Variants in NEURL1 observed in about 807,000 individuals in gnomAD.
The protein encoded by NEURL1 is E3 ubiquitin-protein ligase NEURL1.
NEURL1 carries 26 observed loss-of-function variants against 41.2 expected under a neutral mutation model. The observed-to-expected ratio is 0.63, with a 90% CI of 0.46 to 0.87. NEURL1 has a LOEUF of 0.87. Ranked by LOEUF, NEURL1 falls within the 40% of genes least tolerant of loss-of-function variation. NEURL1 has a pLI of 0.00. For missense variants in NEURL1, 761 were observed against 871.1 expected (o/e 0.87, Z 1.59); for synonymous variants, 400 against 402.3 (o/e 0.99, Z 0.07).
intron 1 of NEURL1, among the ~76,000 whole-genome samples, chr10:103,531,406 T>A (rs1357609391): frequency 1.3e-5 from 2 of 152,164 alleles, no homozygotes; most frequent in Admixed American, 6.5e-5. Flanking sequence ...GAAACATTTT[T>A]ATTTTTTTTA....
At chr10:103,563,587 G>A (rs994798476) in intron 1 of NEURL1, among the ~76,000 whole-genome samples, 1 of 152,184 alleles carries the variant, frequency 6.6e-6, no homozygotes, top group Non-Finnish European at 1.5e-5. Context: ...AAGATGGGTG[G>A]GGTTTGGAGA....
chr10:103,542,177 T>A (rs570591715), intron 1 of NEURL1, among the ~76,000 whole-genome samples: 1 of 152,352 alleles, frequency 6.6e-6, no homozygotes, highest in East Asian at 1.9e-4. Context: ...TGGCTGTATG[T>A]GAGAATTGCT....
chr10:103,563,085 C>T (rs1229894544), intron 1 of NEURL1, among the ~76,000 whole-genome samples: 1 of 152,156 alleles, frequency 6.6e-6, no homozygotes, highest in Non-Finnish European at 1.5e-5. Context: ...TCAGGACCAC[C>T]CTGGCAATCT....
chr10:103,503,947 G>T (rs2033886420), intron 1 of NEURL1, among the ~76,000 whole-genome samples: 2 of 148,598 alleles, frequency 1.3e-5, no homozygotes, highest in South Asian at 4.3e-4. Context: ...GCACCATCAT[G>T]CCTGGCTAGT....
intron 1 of NEURL1, among the ~76,000 whole-genome samples, chr10:103,521,300 GAAGGGAAGA>G (rs2034343354): frequency 6.6e-6 from 1 of 152,210 alleles, no homozygotes. Flanking sequence ...ATGTCTGACA[GAAGGGAAGA>G]AATGACCGCA....
At chr10:103,538,630 T>C (rs1439890687) in intron 1 of NEURL1, among the ~76,000 whole-genome samples, 1 of 151,582 alleles carries the variant, frequency 6.6e-6, no homozygotes, top group Non-Finnish European at 1.5e-5. Context: ...ATTTTTTCTT[T>C]TTTGTTTATT....
chr10:103,507,653 G>A (rs986773788), intron 1 of NEURL1, among the ~76,000 whole-genome samples: 6 of 152,158 alleles, frequency 3.9e-5, no homozygotes, highest in African/African-American at 1.4e-4. Context: ...TGGGTGTGAG[G>A]TTTTACAGCC....
intron 1 of NEURL1, among the ~76,000 whole-genome samples, chr10:103,499,865 C>T (rs1205660707): frequency 2.6e-5 from 4 of 152,270 alleles, no homozygotes; most frequent in East Asian, 3.9e-4. Context: ...CCTCCGGTCC[C>T]TCCTTCGATG....
rs751068145 is a variant in NEURL1, at chr10:103,556,363, T to C, written c.86-14509T>C. Reference sequence around the variant, plus strand: ...CCTTTACAAACCAGCCAGAACAGAATAGGCTGACCTTGGGGAGTCCCTGAC... The same window carrying C: ...CCTTTACAAACCAGCCAGAACAGAACAGGCTGACCTTGGGGAGTCCCTGAC... On this transcript the variant is annotated intron_variant, in intron 1 of 5. Coordinates refer to ENST00000369780, the MANE Select transcript of NEURL1 (RefSeq NM_004210.5). This position sits in a 1 kb window ranked among gnomAD's most constrained non-coding sequence, Gnocchi z 4.4. Among the ~76,000 whole-genome samples, 1 of 152,122 alleles carries C rather than the reference T, an allele frequency of 6.6e-6. No homozygotes were observed. Among genetic ancestry groups the C allele is most frequent in the Non-Finnish European group, 1.5e-5 (1 of 68,026 alleles).
intron 1 of NEURL1, among the ~76,000 whole-genome samples, chr10:103,529,703 G>T (rs1592199394): frequency 6.6e-6 from 1 of 152,178 alleles, no homozygotes; most frequent in African/African-American, 2.4e-5. Flanking sequence ...AAAGAAATAT[G>T]CTCCAAGTTT....
intron 1 of NEURL1, among the ~76,000 whole-genome samples, chr10:103,538,181 A>C (rs913078056): frequency 2.6e-5 from 4 of 151,286 alleles, no homozygotes; most frequent in Non-Finnish European, 5.9e-5. Context: ...TGCAACCTCC[A>C]CCTCCTGGGT....
In NEURL1 at chr10:103,514,373, A is replaced by G. The variant is rs149840274; in HGVS notation, c.85+19901A>G. ...CCAAAGGGAGTGTTTCTTACCTGCC[A>G]TGGACCGCGTCCCCGGGCTGGTTAC... On this transcript the variant is annotated intron_variant, in intron 1 of 5. Coordinates refer to ENST00000369780, the MANE Select transcript of NEURL1 (RefSeq NM_004210.5). Among the ~76,000 whole-genome samples, 926 of 152,172 alleles carry G rather than the reference A, an allele frequency of 6.1e-3. 8 individuals are homozygous for G. The highest frequency in any genetic ancestry group is 0.022 in the African/African-American group (897 of 41,528).
At chr10:103,580,529 T>G (rs1029686713) in intron 3 of NEURL1, among the ~76,000 whole-genome samples, 2 of 152,184 alleles carry the variant, frequency 1.3e-5, no homozygotes, top group Admixed American at 1.3e-4. Flanking sequence ...GACCTCTAAC[T>G]TGGTATCAGC....
At chr10:103,571,470 G>T in intron 2 of NEURL1, 31 bp from the exon 3 acceptor site, 1 of 1,573,754 alleles carries the variant, frequency 6.4e-7, no homozygotes, top group East Asian at 2.2e-5. Context: ...AAGTGGGAGA[G>T]GGTGGGCTGA....
At chr10:103,560,598 G>A (rs558976151) in intron 1 of NEURL1, among the ~76,000 whole-genome samples, 7 of 152,162 alleles carry the variant, frequency 4.6e-5, no homozygotes, top group African/African-American at 1.4e-4. Flanking sequence ...CCTGCCGTTC[G>A]CATGCCAGGA....
chr10:103,494,090 C>T lies in NEURL1; in HGVS notation c.-298C>T, dbSNP rs1564799570. On this transcript the variant is annotated 5_prime_UTR_variant, in exon 1 of 6. Coordinates refer to ENST00000369780, the MANE Select transcript of NEURL1 (RefSeq NM_004210.5). Reference sequence around the variant, plus strand: ...AGCGTCCCGGGGAGCAAGCGGGGAGCCCCGGGCGTCCCCGGCCCCGGCCCA... The same window carrying T: ...AGCGTCCCGGGGAGCAAGCGGGGAGTCCCGGGCGTCCCCGGCCCCGGCCCA... The T allele has an allele frequency of 3.6e-6, 1 of 276,428 alleles. No homozygotes were observed. The allele number at this position is 276,428 out of a possible 1,614,324, so 17.1% of individuals were successfully genotyped here.
At position 103,590,629 on chromosome 10, in the gene NEURL1, A is replaced by G; in HGVS notation, c.*257A>G. On this transcript the variant is annotated 3_prime_UTR_variant, in exon 6 of 6. Coordinates refer to ENST00000369780, the MANE Select transcript of NEURL1 (RefSeq NM_004210.5). ...CCCTGTCTCTCCCGTCTCTGCACCC[A>G]GCTCCTCTCTGCATGCTGAGGGCTA... 1 of 536,718 alleles carries G rather than the reference A, an allele frequency of 1.9e-6. No individual in the cohort carries two copies. The highest frequency in any genetic ancestry group is 3.3e-6 in the Non-Finnish European group (1 of 298,560). 33.2% of individuals were successfully genotyped at this position (536,718 alleles called of 1,614,324 possible).
chr10:103,571,852 G>T (rs1404003605), intron 3 of NEURL1, 30 bp downstream of exon 3: 3 of 1,563,558 alleles, frequency 1.9e-6, no homozygotes, highest in Non-Finnish European at 2.6e-6. Context: ...GCCCCTTGGT[G>T]CAGGGGACAC....
At chr10:103,540,186 G>A (rs1167223493) in intron 1 of NEURL1, among the ~76,000 whole-genome samples, 2 of 152,214 alleles carry the variant, frequency 1.3e-5, no homozygotes, top group South Asian at 2.1e-4. Context: ...TGCATCAGGA[G>A]GAAGTCAGCT....
Sources: allele counts gnomAD v4.1 joint callset (sites outside exome capture counted in the v4.1 genomes callset), GRCh38; gene constraint gnomAD v4.1.1; non-coding constraint Gnocchi (gnomAD v3.1); transcripts MANE v1.5; gene names NCBI Gene and HGNC (gene_info 2026-07-23, HGNC 2026-07-21).